Variants in RGS7 observed in about 807,000 individuals in gnomAD.
RGS7 encodes the protein regulator of G-protein signaling 7.
RGS7 carries 27 observed loss-of-function variants against 81.1 expected under a neutral mutation model. The ratio of observed to expected loss-of-function variants is 0.33; its 90% CI spans 0.25 to 0.46. The LOEUF is 0.46. Ranked by LOEUF, RGS7 falls within the 20% of genes least tolerant of loss-of-function variation. The probability of loss-of-function intolerance (pLI) is 1.00; values close to 1 mark genes in which losing one functional copy is unlikely to be tolerated. For synonymous variants in RGS7, 208 were observed against 207.7 expected (o/e 1.00, Z -0.01); for missense variants, 396 against 607.4 (o/e 0.65, Z 3.66).
chr1:240,931,599 TA>T (rs1268526877), intron 5 of RGS7, among the ~76,000 whole-genome samples: 1 of 151,948 alleles, frequency 6.6e-6, no homozygotes, highest in Non-Finnish European at 1.5e-5. Context: ...AAATTTAAAT[TA>T]AAAAAACCTA....
At chr1:240,947,299 C>A (rs977629778) in intron 4 of RGS7, among the ~76,000 whole-genome samples, 2 of 152,206 alleles carry the variant, frequency 1.3e-5, no homozygotes, top group African/African-American at 4.8e-5. Flanking sequence ...GAACACGTAT[C>A]TTCAGACTGG....
At chr1:241,313,728 C>CA (rs954089303) in intron 2 of RGS7, among the ~76,000 whole-genome samples, 36 of 151,678 alleles carry the variant, frequency 2.4e-4, no homozygotes, top group Non-Finnish European at 3.8e-4. Flanking sequence ...ATGGATCTAG[C>CA]AAAAAAAATT....
intron 2 of RGS7, among the ~76,000 whole-genome samples, chr1:241,176,051 C>T (rs539524753): frequency 6.6e-6 from 1 of 152,148 alleles, no homozygotes; most frequent in Non-Finnish European, 1.5e-5. Flanking sequence ...GGACTTACCA[C>T]CTTTCTATGA....
intron 18 of RGS7, among the ~76,000 whole-genome samples, chr1:240,790,153 G>T (rs1297497755): frequency 1.3e-5 from 2 of 152,034 alleles, no homozygotes; most frequent in Non-Finnish European, 2.9e-5. Context: ...AATCACTTCA[G>T]CTGGGGAGGT....
At chr1:240,990,276 TTA>T (rs575850434) in intron 3 of RGS7, among the ~76,000 whole-genome samples, 26 of 152,164 alleles carry the variant, frequency 1.7e-4, no homozygotes, top group Non-Finnish European at 3.2e-4. Context: ...TGTAAAGCTT[TTA>T]TGTTTCATCA....
intron 3 of RGS7, among the ~76,000 whole-genome samples, chr1:241,057,908 G>A (rs746688701): frequency 1.1e-4 from 16 of 152,144 alleles, no homozygotes; most frequent in Non-Finnish European, 5.9e-5. Context: ...TATAGGTTGT[G>A]AATCCTTGGA....
chr1:241,323,564 G>C (rs1465049548), intron 2 of RGS7, among the ~76,000 whole-genome samples: 4 of 152,236 alleles, frequency 2.6e-5, no homozygotes, highest in Admixed American at 2.6e-4. Flanking sequence ...CTCTGGACTA[G>C]GAAATCAGAA....
intron 9 of RGS7, among the ~76,000 whole-genome samples, chr1:240,861,923 C>T (rs1449825928): frequency 6.6e-6 from 1 of 152,064 alleles, no homozygotes; most frequent in Admixed American, 6.5e-5. Flanking sequence ...ATGTTAAAAT[C>T]CTGTTAATAC....
chr1:240,975,477 A>T (rs1015379360), intron 4 of RGS7, among the ~76,000 whole-genome samples: 6 of 152,074 alleles, frequency 3.9e-5, no homozygotes, highest in Non-Finnish European at 7.4e-5. Context: ...TGACAGCAAG[A>T]CTCATTTCAA....
chr1:241,284,646 C>T (rs983866973), intron 2 of RGS7, among the ~76,000 whole-genome samples: 2 of 152,156 alleles, frequency 1.3e-5, no homozygotes, highest in Non-Finnish European at 2.9e-5. Flanking sequence ...AGTCTCAATG[C>T]CAGTGACAGG....
intron 3 of RGS7, among the ~76,000 whole-genome samples, chr1:241,016,669 T>A (rs1254352413): frequency 6.6e-6 from 1 of 151,954 alleles, no homozygotes; most frequent in Non-Finnish European, 1.5e-5. Context: ...GGGACTAGAG[T>A]ACTAATGTCT....
At chr1:240,802,753 G>T in intron 16 of RGS7, 151 bp downstream of exon 16, 1 of 669,542 alleles carries the variant, frequency 1.5e-6, no homozygotes, top group South Asian at 1.7e-5. Flanking sequence ...CAACTTAAAT[G>T]GCCCTTATAA....
At chr1:241,148,297 C>G (rs2068501607) in intron 2 of RGS7, among the ~76,000 whole-genome samples, 1 of 152,014 alleles carries the variant, frequency 6.6e-6, no homozygotes, top group African/African-American at 2.4e-5. Flanking sequence ...GTGATCCACC[C>G]ACCTCGGCCT....
rs572651538 is a variant in RGS7 at position 240,909,408 on chromosome 1, CT to C, written c.385+21308del. ...CTGTTTTCCTTGTATATTCCCACCC[CT>C]AGTCTACAATTTTGCCTATATAGTG... On this transcript the variant is annotated intron_variant, in intron 6 of 18. Transcript: ENST00000440928. Among the ~76,000 whole-genome samples the C allele has an allele frequency of 1.5e-4, 23 of 152,292 alleles. 1 individual carries two copies. In the South Asian group the frequency reaches 4.4e-3, roughly 29 times the overall value.
intron 3 of RGS7, among the ~76,000 whole-genome samples, chr1:241,015,750 A>G (rs1293136974): frequency 2.0e-5 from 3 of 152,228 alleles, no homozygotes; most frequent in Non-Finnish European, 4.4e-5. Context: ...GGATAATTTC[A>G]TTTAGATATT....
intron 5 of RGS7, among the ~76,000 whole-genome samples, chr1:240,934,875 G>GTTTTTTTTTT (rs1676324070): frequency 9.9e-6 from 1 of 101,444 alleles, no homozygotes; most frequent in Non-Finnish European, 1.9e-5. Context: ...CCTTCACATG[G>GTTTTTTTTTT]CTTTTTTTTT....
At chr1:240,886,033 T>C (rs953487092) in intron 6 of RGS7, among the ~76,000 whole-genome samples, 5 of 152,200 alleles carry the variant, frequency 3.3e-5, no homozygotes, top group Non-Finnish European at 5.9e-5. Context: ...TTTAAACCAA[T>C]GCAATATCTA....
At chr1:241,227,167 TACAC>T (rs1164233351) in intron 2 of RGS7, among the ~76,000 whole-genome samples, 2 of 152,162 alleles carry the variant, frequency 1.3e-5, no homozygotes, top group Non-Finnish European at 2.9e-5. Context: ...TTGTACAGGA[TACAC>T]CCACGTGCAC....
Position 240,930,714 on chromosome 1 carries a change from G to T in RGS7, c.385+3C>A. Reference sequence around the variant, plus strand: ...TAATAAAATAATGAGAGATGGCACTGACCATAATCTGTGTTTTCCGGCTCC... The same window carrying T: ...TAATAAAATAATGAGAGATGGCACTTACCATAATCTGTGTTTTCCGGCTCC... On this transcript the variant is annotated splice_donor_region_variant and intron_variant, in intron 6 of 18. Transcript: ENST00000440928. The T allele has an allele frequency of 6.2e-7, 1 of 1,613,322 alleles. No individual in the cohort carries two copies. Among genetic ancestry groups the T allele is most frequent in the Non-Finnish European group, 8.5e-7 (1 of 1,179,378 alleles).
Sources: gnomAD v4.1 joint callset for allele counts (sites outside exome capture counted in the v4.1 genomes callset) on GRCh38, gnomAD v4.1.1 for gene constraint, MANE v1.5 for transcripts, NCBI Gene and HGNC (gene_info 2026-07-23, HGNC 2026-07-21) for gene names.